CAPN10: variants seen among roughly 807,000 people sequenced by gnomAD.
CAPN10 encodes calpain 10.
In CAPN10, 71 loss-of-function variants were observed where a neutral mutation model predicts 78.4. The observed-to-expected ratio is 0.91, with a 90% CI of 0.75 to 1.10. The LOEUF (loss-of-function observed/expected upper bound fraction) is 1.10. CAPN10 is among the 50% of genes least tolerant of loss of function. The pLI is 0.00. For missense variants in CAPN10, 849 were observed against 924.6 expected, an observed-to-expected ratio of 0.92 and a Z score of 1.06; for synonymous variants, 437 against 407.2, an observed-to-expected ratio of 1.07 and a Z score of -0.88.
chr2:240,595,440 G>T, intron 7 of CAPN10, 136 bp downstream of exon 7: 1 of 944,670 alleles, frequency 1.1e-6, no homozygotes, highest in Non-Finnish European at 1.6e-6. Context: ...CCCTCCTTGG[G>T]CTGTTGCACG....
At chr2:240,591,273 G>T (rs2093100237) in intron 3 of CAPN10, 1 of 451,456 alleles carries the variant, frequency 2.2e-6, no homozygotes, top group East Asian at 3.6e-5. Flanking sequence ...GAACATGTGT[G>T]CCGTCCTCCT....
chr2:240,596,555 G>A lies in CAPN10; in HGVS notation c.1481+34G>A, dbSNP rs749570105. The A allele has an allele frequency of 5.8e-5, 91 of 1,566,094 alleles. No homozygotes were observed. In the Middle Eastern group the frequency reaches 1.0e-3, roughly 18 times the overall value. The stretch of plus-strand genomic sequence containing the variant: ...AACCGCGCAGTGCTGCTGGCTCTCC[G>A]AGGCCACAGGCCCTTCCAAGGCAGG... On this transcript the variant is annotated intron_variant, in intron 8 of 11. Transcript: ENST00000391984.
rs2093129889 is a variant in CAPN10, at chr2:240,595,301, G to C, written c.1275G>C (p.Trp425Cys). 6.2e-7 allele frequency: 1 copy of C among 1,612,618 alleles called. No homozygotes were observed. Among genetic ancestry groups the C allele is most frequent in the Admixed American group, 1.7e-5 (1 of 59,980 alleles). ...ACCAGGCTGTGGGTCTGCACCTCTGGAAGGTAACTCAGCCCCGTCTGGCTC... is the reference window on the plus strand; with the variant it reads ...ACCAGGCTGTGGGTCTGCACCTCTGCAAGGTAACTCAGCCCCGTCTGGCTC... The part of the protein sequence containing the change: ...KHYQAVGLHL[W>C]KVEKRRVNLP... Residue 425 changes from tryptophan (W) to cysteine (C), a missense_variant, in exon 7 of 12, where the codon TGG becomes TGC. Coordinates refer to ENST00000391984, the MANE Select transcript of CAPN10 (RefSeq NM_023083.4).
chr2:240,592,239 G>T, intron 4 of CAPN10, 89 bp downstream of exon 4: 1 of 1,127,888 alleles, frequency 8.9e-7, no homozygotes, highest in South Asian at 1.4e-5. Flanking sequence ...TATGTGACTG[G>T]CTACACAGCC....
chr2:240,597,080 A>G (rs368183698), intron 9 of CAPN10, 138 bp downstream of exon 9: 60 of 1,077,984 alleles, frequency 5.6e-5, no homozygotes, highest in East Asian at 2.5e-4. Context: ...GCTGCCTAGA[A>G]CCCGCACAGG....
At position 240,596,314 on chromosome 2, in the gene CAPN10, C is replaced by T. The variant is rs2093136220; in HGVS notation, c.1279-5C>T. 5 of 1,598,054 alleles carry T rather than the reference C, an allele frequency of 3.1e-6. No homozygotes were observed. The highest frequency in any genetic ancestry group is 1.3e-5 in the African/African-American group (1 of 74,680). The stretch of plus-strand genomic sequence containing the variant: ...CCACACTGAGCCTCCTGCACGTGCT[C>T]ACAGGTAGAGAAGCGGCGGGTCAAT... On this transcript the variant is annotated splice_polypyrimidine_tract_variant and splice_region_variant and intron_variant, in intron 7 of 11. Transcript: ENST00000391984.
At chr2:240,596,209 G>A (rs2093135553) in intron 7 of CAPN10, 110 bp from the exon 8 acceptor site, 21 of 1,475,584 alleles carry the variant, frequency 1.4e-5, no homozygotes, top group Middle Eastern at 2.5e-4. Context: ...AGGCCTTGGC[G>A]CTTTCATCTG....
chr2:240,597,838 C>T (rs1344646783), intron 9 of CAPN10, 50 bp from the exon 10 acceptor site: 1 of 1,506,662 alleles, frequency 6.6e-7, no homozygotes, highest in African/African-American at 1.4e-5. Flanking sequence ...CTGGGCTGGG[C>T]TCCCTACCCC....
intron 3 of CAPN10, chr2:240,591,311 G>T: frequency 2.8e-6 from 1 of 359,800 alleles, no homozygotes; most frequent in Non-Finnish European, 5.1e-6. Flanking sequence ...CAAGAAAGAT[G>T]CTTCTTTATA....
In CAPN10 at chr2:240,597,938, G is replaced by C; in HGVS notation, c.1794G>C (p.Glu598Asp). 1.9e-6 allele frequency: 3 copies of C among 1,612,526 alleles called. No individual in the cohort carries two copies. The highest frequency in any genetic ancestry group is 2.5e-6 in the Non-Finnish European group (3 of 1,179,772). Residue 598 changes from glutamate (E) to aspartate (D), a missense_variant, in exon 10 of 12, where the codon GAG becomes GAC. Transcript: ENST00000391984. The stretch of plus-strand genomic sequence containing the variant: ...ACGCACCCCCACTGCTGCTGCAGGA[G>C]CCGCTGCTGAGCTGCGTGCCACATC... The part of the protein sequence containing the change: ...SQDAPPLLLQ[E>D]PLLSCVPHRY...
chr2:240,589,492 T>A lies in CAPN10; in HGVS notation c.273+18T>A. The stretch of plus-strand genomic sequence containing the variant: ...TGGACCAGGTGCGGGGCCCCTTCCC[T>A]GTGTTTGTCCTGGAGCCGGTTTCTT... On this transcript the variant is annotated intron_variant, in intron 2 of 11. Transcript: ENST00000391984. The A allele has an allele frequency of 6.2e-7, 1 of 1,602,160 alleles. No individual in the cohort carries two copies. Among genetic ancestry groups the A allele is most frequent in the Non-Finnish European group, 8.5e-7 (1 of 1,175,176 alleles).
At position 240,595,018 on chromosome 2, in the gene CAPN10, C is replaced by T. The variant is rs756940178; in HGVS notation, c.998-6C>T. The stretch of plus-strand genomic sequence containing the variant: ...CCACAGCTGATGCCTGGTGTTTTCT[C>T]ACTAGAGAGGCTGCTCTGCCATACG... On this transcript the variant is annotated splice_region_variant and splice_polypyrimidine_tract_variant and intron_variant, in intron 6 of 11. Coordinates refer to ENST00000391984, the MANE Select transcript of CAPN10 (RefSeq NM_023083.4). The T allele has an allele frequency of 4.9e-5, 79 of 1,612,470 alleles. No individual in the cohort carries two copies. The highest frequency in any genetic ancestry group is 6.1e-5 in the Non-Finnish European group (72 of 1,179,848).
chr2:240,593,099 G>A (rs942058973), intron 4 of CAPN10, among the ~76,000 whole-genome samples: 14 of 152,226 alleles, frequency 9.2e-5, no homozygotes, highest in East Asian at 1.9e-4. Flanking sequence ...CAGGAAGGAC[G>A]CTGGCCTCAG....
chr2:240,589,695 A>G (rs2093089446), intron 2 of CAPN10: 5 of 592,650 alleles, frequency 8.4e-6, no homozygotes, highest in Middle Eastern at 9.1e-4. Context: ...AGGCTCCATC[A>G]GGGAGGTTCG....
Position 240,589,417 on chromosome 2 carries a change from T to C in CAPN10, c.216T>C (p.Asp72=). The C allele has an allele frequency of 1.2e-6, 2 of 1,614,032 alleles. No individual in the cohort carries two copies. Among genetic ancestry groups the C allele is most frequent in the Non-Finnish European group, 8.5e-7 (1 of 1,180,028 alleles). ...EGQVKQGLLG[D]CWFLCACAAL... ...AGGTGAAGCAGGGGCTGCTGGGGGA[T>C]TGCTGGTTCCTGTGTGCCTGCGCCG... Residue 72 remains aspartate (D), a synonymous_variant, in exon 2 of 12, where the codon GAT becomes GAC. Transcript: ENST00000391984.
Position 240,587,045 on chromosome 2 carries a change from G to A in CAPN10, c.134G>A (p.Arg45Gln). 7.0e-7 allele frequency: 1 copy of A among 1,434,290 alleles called. No individual in the cohort carries two copies. 88.8% of individuals were successfully genotyped at this position (1,434,290 alleles called of 1,614,324 possible). Residue 45 changes from arginine (R) to glutamine (Q), a missense_variant, in exon 1 of 12, where the codon CGG (arginine) becomes CAG (glutamine). Coordinates refer to ENST00000391984, the MANE Select transcript of CAPN10 (RefSeq NM_023083.4). Reference sequence around the variant, plus strand: ...TTCCGCGAGGACATCACGTGGAGGCGGCCCCAGGTGGGGCCGTGTGGGGTG... The same window carrying A: ...TTCCGCGAGGACATCACGTGGAGGCAGCCCCAGGTGGGGCCGTGTGGGGTG... ...AQFREDITWR[R>Q]PQEICATPRL...
intron 11 of CAPN10, 44 bp downstream of exon 11, chr2:240,598,441 G>C: frequency 2.5e-6 from 4 of 1,606,110 alleles, no homozygotes; most frequent in Non-Finnish European, 2.6e-6. Context: ...GCCTGGGGCT[G>C]CCTGGTGGCC....
Position 240,586,966 on chromosome 2 carries a change from T to C in CAPN10, c.55T>C (p.Phe19Leu). 6.7e-7 allele frequency: 1 copy of C among 1,481,618 alleles called. No individual in the cohort carries two copies. The highest frequency in any genetic ancestry group is 1.3e-5 in the South Asian group (1 of 77,748). 91.8% of individuals were successfully genotyped at this position (1,481,618 alleles called of 1,614,324 possible). A position where few individuals can be genotyped will look rare whatever the true frequency, so the allele number is the denominator to read the frequency against. ...GAGGGAGCTGTTCCGGGACGCCGCC[T>C]TCCCCGCCGCGGACTCCTCGCTCTT... ...PARELFRDAAFPAADSSLFCD... is the reference protein window; with the variant it reads ...PARELFRDAALPAADSSLFCD... Residue 19 changes from phenylalanine to leucine, a missense_variant, in exon 1 of 12, where the codon TTC (phenylalanine) becomes CTC (leucine). Physicochemically the swap from Phe to Leu is conservative, Grantham distance 22. Transcript: ENST00000391984.
At chr2:240,587,692 G>A (rs2093077233) in intron 1 of CAPN10, among the ~76,000 whole-genome samples, 2 of 152,260 alleles carry the variant, frequency 1.3e-5, no homozygotes, top group African/African-American at 4.8e-5. Context: ...GGGCTCTCGT[G>A]ACTGAGATGG....
Sources: gnomAD v4.1 joint callset for allele counts (sites outside exome capture counted in the v4.1 genomes callset) on GRCh38, gnomAD v4.1.1 for gene constraint, MANE v1.5 for transcripts, NCBI Gene and HGNC (gene_info 2026-07-23, HGNC 2026-07-21) for gene names.